Variants in DSCAML1 observed in about 807,000 individuals in gnomAD.
DSCAML1 encodes the protein DS cell adhesion molecule like 1.
DSCAML1 carries 38 observed loss-of-function variants against 200.5 expected under a neutral mutation model. The ratio of observed to expected loss-of-function variants is 0.19; its 90% CI spans 0.15 to 0.25. The LOEUF (loss-of-function observed/expected upper bound fraction) is 0.25. Ranked by LOEUF, DSCAML1 falls within the 10% of genes least tolerant of loss-of-function variation. DSCAML1 has a pLI of 1.00. For synonymous variants in DSCAML1, 1,215 were observed against 1,165.0 expected (o/e 1.04, Z -0.87); for missense variants, 2,223 against 2,858.8 (o/e 0.78, Z 5.07).
intron 3 of DSCAML1, among the ~76,000 whole-genome samples, chr11:117,703,546 G>A (rs1185411971): frequency 6.6e-6 from 1 of 152,164 alleles, no homozygotes; most frequent in African/African-American, 2.4e-5. Context: ...AGTGACAAAT[G>A]AATTTTAGGC....
At chr11:117,766,730 G>A (rs921111771) in intron 3 of DSCAML1, among the ~76,000 whole-genome samples, 10 of 152,172 alleles carry the variant, frequency 6.6e-5, no homozygotes, top group Non-Finnish European at 1.5e-4. Flanking sequence ...CGCCTGCCAT[G>A]AACTAAATGG....
intron 3 of DSCAML1, among the ~76,000 whole-genome samples, chr11:117,714,480 C>T (rs973207597): frequency 3.9e-5 from 6 of 152,174 alleles, no homozygotes; most frequent in African/African-American, 9.7e-5. Flanking sequence ...GAGTTCAACA[C>T]ATCCCATCTT....
intron 3 of DSCAML1, among the ~76,000 whole-genome samples, chr11:117,647,056 G>C (rs1020951688): frequency 2.0e-5 from 3 of 152,194 alleles, no homozygotes; most frequent in Admixed American, 6.5e-5. Flanking sequence ...ATGATGTCCA[G>C]AAAGATGACA....
intron 3 of DSCAML1, among the ~76,000 whole-genome samples, chr11:117,676,831 T>G (rs1397901365): frequency 2.6e-5 from 4 of 152,120 alleles, no homozygotes; most frequent in Non-Finnish European, 5.9e-5. Context: ...GAAACGGGCT[T>G]GTAGGTGGGC....
chr11:117,794,380 G>A (rs1043918047), intron 1 of DSCAML1, among the ~76,000 whole-genome samples: 3 of 152,006 alleles, frequency 2.0e-5, no homozygotes, highest in Admixed American at 6.6e-5. Flanking sequence ...TTGGAGACTC[G>A]ATAACCGATG....
intron 3 of DSCAML1, among the ~76,000 whole-genome samples, chr11:117,735,975 C>G (rs1476916819): frequency 1.3e-5 from 2 of 152,216 alleles, no homozygotes; most frequent in Non-Finnish European, 2.9e-5. Context: ...CTTCTCAGAA[C>G]CCAACCCCTA....
chr11:117,569,438 T>C lies in DSCAML1; in HGVS notation c.512-36916A>G, dbSNP rs1481070615. ...GTAGAGATGGGATTTTTGTATTTCA[T>C]AGAGATGGGATTTTTGTATTTTGTG... is the stretch of plus-strand genomic sequence containing the variant. On this transcript the variant is annotated intron_variant, in intron 3 of 32. Transcript: ENST00000651296. Among the ~76,000 whole-genome samples, 4 of 152,164 alleles carry C rather than the reference T, an allele frequency of 2.6e-5. No individual in the cohort carries two copies. The East Asian group carries it at 5.8e-4, about 22-fold the overall frequency.
intron 3 of DSCAML1, among the ~76,000 whole-genome samples, chr11:117,653,803 C>G (rs1463104801): frequency 6.6e-6 from 1 of 152,156 alleles, no homozygotes; most frequent in African/African-American, 2.4e-5. Flanking sequence ...GAGAAACAAC[C>G]AAAATGTCCA....
chr11:117,772,958 C>T (rs920717599), intron 3 of DSCAML1, among the ~76,000 whole-genome samples: 1 of 152,102 alleles, frequency 6.6e-6, no homozygotes, highest in Non-Finnish European at 1.5e-5. Context: ...GGAGTGGAGG[C>T]GGGTATAGTA....
chr11:117,453,807 G>A lies in DSCAML1; in HGVS notation c.3569-3119C>T, dbSNP rs994172924. On this transcript the variant is annotated intron_variant, in intron 19 of 32. Transcript: ENST00000651296. ...TCCCTAGGCTAGAGTGCAGTAGTGC[G>A]ATCTTGGCTGACTGCAACCTCCGCC... Among the ~76,000 whole-genome samples, 15 of 148,848 alleles carry A rather than the reference G, an allele frequency of 1.0e-4. No homozygotes were observed. In the East Asian group the frequency reaches 2.4e-3, roughly 24 times the overall value.
intron 3 of DSCAML1, among the ~76,000 whole-genome samples, chr11:117,573,136 C>A (rs1489374259): frequency 6.6e-6 from 1 of 152,196 alleles, no homozygotes; most frequent in East Asian, 1.9e-4. Flanking sequence ...GCACTCGAAG[C>A]TCACACGTGT....
chr11:117,751,926 G>A (rs569879293), intron 3 of DSCAML1, among the ~76,000 whole-genome samples: 6 of 152,310 alleles, frequency 3.9e-5, no homozygotes, highest in Non-Finnish European at 8.8e-5. Flanking sequence ...TCCCTAGGCC[G>A]AGATTCTCAT....
At chr11:117,510,383 C>T (rs1364761884) in intron 8 of DSCAML1, among the ~76,000 whole-genome samples, 1 of 152,186 alleles carries the variant, frequency 6.6e-6, no homozygotes, top group Non-Finnish European at 1.5e-5. Flanking sequence ...CCAGTCTAAC[C>T]TCAGTTTTCT....
At chr11:117,458,616 TC>T (rs2048419598) in intron 19 of DSCAML1, 137 bp downstream of exon 19, 2 of 1,132,548 alleles carry the variant, frequency 1.8e-6, no homozygotes, top group Admixed American at 2.4e-5. Flanking sequence ...CCCTCAAGAG[TC>T]CTCAAGGCTA....
rs551798758 is a variant in DSCAML1 at position 117,681,414 on chromosome 11, C to T, written c.511+95377G>A. Among the ~76,000 whole-genome samples, 6 of 152,278 alleles carry T rather than the reference C, an allele frequency of 3.9e-5. No homozygotes were observed. The South Asian group carries it at 1.2e-3, about 32-fold the overall frequency. On this transcript the variant is annotated intron_variant, in intron 3 of 32. Transcript: ENST00000651296. ...ATTCCTATGTGCTTTGGGGACATGG[C>T]CTGCCCCCTCCTTGAAGGCCCTCTG...
chr11:117,613,315 A>G (rs2051735774), intron 3 of DSCAML1, among the ~76,000 whole-genome samples: 1 of 152,068 alleles, frequency 6.6e-6, no homozygotes. Context: ...TAGTAAAGAC[A>G]TGGTAGGAAG....
At chr11:117,558,898 T>G (rs768081877) in intron 3 of DSCAML1, among the ~76,000 whole-genome samples, 27 of 152,180 alleles carry the variant, frequency 1.8e-4, no homozygotes, top group Non-Finnish European at 1.5e-5. Context: ...ACCAGTAGTT[T>G]TGGTCAGGGG....
intron 3 of DSCAML1, among the ~76,000 whole-genome samples, chr11:117,666,535 C>T (rs767259241): frequency 2.0e-5 from 3 of 152,126 alleles, no homozygotes; most frequent in African/African-American, 7.2e-5. Flanking sequence ...AAGCTGCTGC[C>T]GGGCCTCTCT....
chr11:117,429,164 C>T (rs1565667999), intron 32 of DSCAML1, among the ~76,000 whole-genome samples: 1 of 152,168 alleles, frequency 6.6e-6, no homozygotes, highest in Non-Finnish European at 1.5e-5. Flanking sequence ...GTGGAGAGCT[C>T]ACTACTGCTA....
Sources: allele counts gnomAD v4.1 joint callset (sites outside exome capture counted in the v4.1 genomes callset), GRCh38; gene constraint gnomAD v4.1.1; transcripts MANE v1.5; gene names NCBI Gene and HGNC (gene_info 2026-07-23, HGNC 2026-07-21).